The following ANKRD31 variants were observed in gnomAD, a reference collection of about 807,000 sequenced individuals.
The protein encoded by ANKRD31 is ankyrin repeat domain 31.
In ANKRD31, 147 loss-of-function variants were observed where a neutral mutation model predicts 186.0. The observed-to-expected ratio is 0.79, with a 90% confidence interval of 0.69 to 0.91. The LOEUF (loss-of-function observed/expected upper bound fraction) is 0.91. Among genes scored for constraint, ANKRD31 ranks in the 40% least tolerant of loss-of-function variants. ANKRD31 has a pLI of 0.00. For missense variants in ANKRD31, 1,986 were observed against 2,148.8 expected (o/e 0.92, Z 1.50); for synonymous variants, 673 against 736.4 (o/e 0.91, Z 1.39).
Position 75,107,608 on chromosome 5 carries a change from A to G in ANKRD31, c.4253T>C (p.Ile1418Thr). ...CTTTTTTATCTTTAACATCTTTTCAATGTATTGTTCTAGAAACATGACAAT... is the reference window on the plus strand; with the variant it reads ...CTTTTTTATCTTTAACATCTTTTCAGTGTATTGTTCTAGAAACATGACAAT... ...IRNPEDAEQY[I>T]EKMLKIKKIM... The change falls in exon 21 of 26, where the codon ATT (isoleucine) becomes ACT (threonine). Residue 1418 changes from isoleucine (I) to threonine (T), a missense_variant. Ile to Thr is a moderately conservative substitution (Grantham distance 89, BLOSUM62 -1). Transcript: ENST00000506364. 6.6e-7 allele frequency: 1 copy of G among 1,517,170 alleles called. No homozygotes were observed. The highest frequency in any genetic ancestry group is 1.4e-5 in the African/African-American group (1 of 72,292). 94.0% of individuals were successfully genotyped at this position (1,517,170 alleles called of 1,614,324 possible).
intron 17 of ANKRD31, among the ~76,000 whole-genome samples, chr5:75,127,932 A>G (rs1261081973): frequency 6.6e-6 from 1 of 152,118 alleles, no homozygotes; most frequent in Non-Finnish European, 1.5e-5. Context: ...TCAACTTCCA[A>G]TTGTTCATTG....
At chr5:75,141,655 A>G (rs1414986697) in intron 15 of ANKRD31, among the ~76,000 whole-genome samples, 1 of 152,018 alleles carries the variant, frequency 6.6e-6, no homozygotes, top group Non-Finnish European at 1.5e-5. Flanking sequence ...GAAAAGAAAA[A>G]AAATTAGCGG....
At chr5:75,224,769 A>G (rs1757536726) in intron 2 of ANKRD31, among the ~76,000 whole-genome samples, 1 of 152,180 alleles carries the variant, frequency 6.6e-6, no homozygotes, top group Non-Finnish European at 1.5e-5. Flanking sequence ...AGAAACCCTA[A>G]AAGAGAAGAC....
chr5:75,188,638 C>T lies in ANKRD31; in HGVS notation c.1419G>A (p.Lys473=), dbSNP rs754463986. Reference sequence around the variant, plus strand: ...TGCTATGAAGAGATATTTTGTTCACCTTCATTTTTTCTGAAATGAGGGAAT... The same window carrying T: ...TGCTATGAAGAGATATTTTGTTCACTTTCATTTTTTCTGAAATGAGGGAAT... ...EQFSGKKEKM[K]VNKISLHSIN... Residue 473 remains lysine, a synonymous_variant, in exon 10 of 26, where the codon AAG becomes AAA. Coordinates refer to ENST00000506364, the MANE Select transcript of ANKRD31 (RefSeq NM_001372053.1). The T allele has an allele frequency of 5.6e-5, 86 of 1,525,880 alleles. No individual in the cohort carries two copies. In the African/African-American group the frequency reaches 1.1e-3, roughly 19 times the overall value. 94.5% of individuals were successfully genotyped at this position (1,525,880 alleles called of 1,614,324 possible).
chr5:75,229,343 T>C (rs1757809455), intron 2 of ANKRD31, among the ~76,000 whole-genome samples: 2 of 152,128 alleles, frequency 1.3e-5, no homozygotes, highest in Admixed American at 1.3e-4. Flanking sequence ...AATAGACGGG[T>C]TCTAGGGCTA....
chr5:75,182,441 A>G (rs1342193122), intron 10 of ANKRD31, among the ~76,000 whole-genome samples: 2 of 152,164 alleles, frequency 1.3e-5, no homozygotes, highest in African/African-American at 4.8e-5. Flanking sequence ...AAAATGGGCC[A>G]GGAGAGGTGG....
chr5:75,195,544 C>T, intron 7 of ANKRD31, 87 bp downstream of exon 7: 3 of 1,132,254 alleles, frequency 2.6e-6, no homozygotes, highest in Non-Finnish European at 3.6e-6. Context: ...CAGCTACTTG[C>T]TCCACTGAAA....
intron 2 of ANKRD31, among the ~76,000 whole-genome samples, chr5:75,229,031 TCA>T (rs34514525): frequency 0.19 from 28,698 of 152,124 alleles, 3,034 homozygotes; most frequent in South Asian, 0.39. Context: ...TTTTTCTATT[TCA>T]CACTTATTTC....
intron 3 of ANKRD31, among the ~76,000 whole-genome samples, chr5:75,213,955 A>G (rs1756806336): frequency 6.6e-6 from 1 of 152,188 alleles, no homozygotes; most frequent in African/African-American, 2.4e-5. Context: ...CTACCTTCAC[A>G]TTTGGTAGAC....
At chr5:75,200,330 G>A (rs1392361844) in intron 5 of ANKRD31, among the ~76,000 whole-genome samples, 1 of 144,624 alleles carries the variant, frequency 6.9e-6, no homozygotes, top group Non-Finnish European at 1.5e-5. Context: ...ATGGAGTCTC[G>A]CTCTGCAGGC....
chr5:75,170,438 A>T (rs1350222093), intron 10 of ANKRD31, among the ~76,000 whole-genome samples: 1 of 152,138 alleles, frequency 6.6e-6, no homozygotes, highest in Non-Finnish European at 1.5e-5. Context: ...TTCAATTAAA[A>T]GGTAAGACTG....
In ANKRD31 at chr5:75,193,306, C is replaced by T; in HGVS notation, c.1298+5G>A. ...TGGAGATAAAGACATAATTTCATTG[C>T]ATACCTGAAATTCTGAGCTGAAGAG... On this transcript the variant is annotated splice_donor_5th_base_variant and intron_variant, in intron 8 of 25. Transcript: ENST00000506364. The T allele has an allele frequency of 1.3e-6, 2 of 1,534,428 alleles. No individual in the cohort carries two copies. Among genetic ancestry groups the T allele is most frequent in the Non-Finnish European group, 1.7e-6 (2 of 1,145,554 alleles).
At position 75,169,116 on chromosome 5, in the gene ANKRD31, T is replaced by C. The variant is rs1292921873; in HGVS notation, c.1570A>G (p.Thr524Ala). ...NVNQPSYAGW[T>A]ALHEASVGGF... ...CCTACACTAGCTTCATGAAGTGCTG[T>C]CCAACCTATCATACAAAAAGATACG... Residue 524 changes from threonine (T) to alanine (A), a missense_variant, in exon 11 of 26, where the codon ACA becomes GCA. Thr to Ala is a moderately conservative substitution (Grantham distance 58, BLOSUM62 0). Transcript: ENST00000506364. The C allele has an allele frequency of 6.5e-7, 1 of 1,536,058 alleles. No individual in the cohort carries two copies. Among genetic ancestry groups the C allele is most frequent in the East Asian group, 2.5e-5 (1 of 40,816 alleles).
chr5:75,107,710 A>G, intron 20 of ANKRD31, 93 bp from the exon 21 acceptor site: 1 of 699,556 alleles, frequency 1.4e-6, no homozygotes, highest in Non-Finnish European at 2.3e-6. Flanking sequence ...AATTTTAAAA[A>G]GCGTTATTCC....
intron 3 of ANKRD31, among the ~76,000 whole-genome samples, chr5:75,212,203 A>G (rs1331856056): frequency 1.3e-5 from 2 of 152,024 alleles, no homozygotes; most frequent in Non-Finnish European, 2.9e-5. Context: ...TTTTATTCCT[A>G]GTTTTTTCCT....
intron 22 of ANKRD31, 134 bp from the exon 23 acceptor site, chr5:75,091,535 G>T: frequency 1.2e-6 from 1 of 836,374 alleles, no homozygotes; most frequent in Non-Finnish European, 1.8e-6. Flanking sequence ...TAAATTTAAT[G>T]TATCTAGAAA....
chr5:75,126,843 T>A (rs1749296083), intron 17 of ANKRD31, among the ~76,000 whole-genome samples: 1 of 152,104 alleles, frequency 6.6e-6, no homozygotes, highest in Non-Finnish European at 1.5e-5. Context: ...AGGGTTCATT[T>A]AAAAAAATGG....
At chr5:75,222,116 G>T in intron 3 of ANKRD31, 133 bp downstream of exon 3, 1 of 581,714 alleles carries the variant, frequency 1.7e-6, no homozygotes, top group East Asian at 3.2e-5. Context: ...AGTTAAGAAA[G>T]AGGTAAAAAT....
intron 15 of ANKRD31, among the ~76,000 whole-genome samples, chr5:75,141,380 G>T (rs767659918): frequency 3.3e-5 from 5 of 151,926 alleles, no homozygotes; most frequent in Non-Finnish European, 7.4e-5. Context: ...GAGAGACAGA[G>T]AATATATTTG....
Sources: allele counts gnomAD v4.1 joint callset (sites outside exome capture counted in the v4.1 genomes callset), GRCh38; gene constraint gnomAD v4.1.1; transcripts MANE v1.5; gene names NCBI Gene and HGNC (gene_info 2026-07-23, HGNC 2026-07-21).